The following RCC2 variants were observed in gnomAD, a reference collection of about 807,000 sequenced individuals.
RCC2 encodes the protein protein RCC2.
Under a neutral mutation model 64.1 loss-of-function variants are expected in RCC2, and 19 were observed. The observed-to-expected ratio is 0.30, with a 90% CI of 0.21 to 0.44. The LOEUF is 0.44. Among genes scored for constraint, RCC2 ranks in the 20% least tolerant of loss-of-function variants. The probability of loss-of-function intolerance (pLI) is 1.00; values close to 1 mark genes in which losing one functional copy is unlikely to be tolerated. For missense variants in RCC2, 508 were observed against 710.4 expected, an observed-to-expected ratio of 0.72 and a Z score of 3.24; for synonymous variants, 325 against 279.6, an observed-to-expected ratio of 1.16 and a Z score of -1.62.
Position 17,419,439 on chromosome 1 carries a change from C to T in RCC2, c.859+1275G>A, listed in dbSNP as rs535353913. Among the ~76,000 whole-genome samples the T allele has an allele frequency of 3.3e-5, 5 of 152,278 alleles. No homozygotes were observed. In the East Asian group the frequency reaches 5.8e-4, roughly 18 times the overall value. On this transcript the variant is annotated intron_variant, in intron 7 of 12. Coordinates refer to ENST00000375436, the MANE Select transcript of RCC2 (RefSeq NM_018715.4). The stretch of plus-strand genomic sequence containing the variant: ...GGCATGAGTGTGTGTGGATGAGACA[C>T]GGCCATAGTCGGATTTAGGTTCATT...
intron 6 of RCC2, among the ~76,000 whole-genome samples, chr1:17,421,966 A>C (rs1486547001): frequency 6.6e-6 from 1 of 152,184 alleles, no homozygotes; most frequent in East Asian, 1.9e-4. Flanking sequence ...CGGAGGTTGC[A>C]GTGAGCCGAG....
chr1:17,412,183 A>C lies in RCC2; in HGVS notation c.1325T>G (p.Ile442Ser), dbSNP rs2075434362. ...GGTGCTCTCATCGGCGGCCACAATG[A>C]TGCTGCTCTTCCTGCAAACAGGCAG... ...IRSLACGKSS[I>S]IVAADESTIS... is the part of the protein sequence containing the mutation. The change falls in exon 11 of 13, where the codon ATC becomes AGC. Residue 442 changes from isoleucine to serine, a missense_variant. By Grantham distance (142) the Ile-to-Ser change is moderately radical (BLOSUM62 -2). This residue lies in a region of RCC2 where 179 missense variants were observed against 322.0 expected (regional missense o/e 0.56). Transcript: ENST00000375436. 1.2e-6 allele frequency: 2 copies of C among 1,614,072 alleles called. No individual in the cohort carries two copies. The highest frequency in any genetic ancestry group is 8.5e-7 in the Non-Finnish European group (1 of 1,180,008).
At chr1:17,419,516 G>A (rs114035182) in intron 7 of RCC2, among the ~76,000 whole-genome samples, 117 of 152,348 alleles carry the variant, frequency 7.7e-4, no homozygotes, top group African/African-American at 2.6e-3. Flanking sequence ...CTGCCTTAAA[G>A]CAAGTAATAC....
intron 3 of RCC2, among the ~76,000 whole-genome samples, chr1:17,427,718 C>T (rs2075632391): frequency 6.6e-6 from 1 of 152,102 alleles, no homozygotes; most frequent in African/African-American, 2.4e-5. Flanking sequence ...CCTGGACTTA[C>T]CAAAGCATCT....
intron 8 of RCC2, among the ~76,000 whole-genome samples, chr1:17,415,031 T>A (rs887317941): frequency 2.6e-5 from 4 of 152,218 alleles, no homozygotes; most frequent in African/African-American, 9.7e-5. Context: ...TCTTCTTCAG[T>A]CTCGTTTTCC....
intron 7 of RCC2, among the ~76,000 whole-genome samples, chr1:17,419,751 G>A (rs1199333476): frequency 6.6e-6 from 1 of 152,216 alleles, no homozygotes; most frequent in African/African-American, 2.4e-5. Flanking sequence ...AAGGCAGCAG[G>A]AGCGCGCACG....
In RCC2 at chr1:17,416,581, G is replaced by C. The variant is rs973659696; in HGVS notation, c.925C>G (p.Pro309Ala). The change falls in exon 8 of 13, where the codon CCC (proline) becomes GCC (alanine). Residue 309 changes from proline (P) to alanine (A), a missense_variant. Around this residue, in one of 4 missense-constraint regions of RCC2, gnomAD observed 179 missense variants for 322.0 expected, o/e 0.56. Coordinates refer to ENST00000375436, the MANE Select transcript of RCC2 (RefSeq NM_018715.4). Reference protein sequence around the residue: ...QRIEYDCELVPRRVAIFIEKT... With the variant: ...QRIEYDCELVARRVAIFIEKT... ...TCAATGAAGATGGCCACTCGCCGGG[G>C]AACTAGTTCACAGTCGTACTCTATC... 3.1e-6 allele frequency: 5 copies of C among 1,614,042 alleles called. No individual in the cohort carries two copies. Among genetic ancestry groups the C allele is most frequent in the Admixed American group, 3.3e-5 (2 of 60,020 alleles).
At chr1:17,416,019 A>C (rs1485491833) in intron 8 of RCC2, among the ~76,000 whole-genome samples, 1 of 137,340 alleles carries the variant, frequency 7.3e-6, no homozygotes, top group Non-Finnish European at 1.5e-5. Flanking sequence ...TGGTGAGCCG[A>C]GATCACGCCA....
intron 4 of RCC2, among the ~76,000 whole-genome samples, 156 bp downstream of exon 4, chr1:17,425,385 G>A (rs181486600): frequency 1.1e-4 from 16 of 152,268 alleles, no homozygotes; most frequent in Admixed American, 9.2e-4. Context: ...GTAGACAAGA[G>A]ACGAGCTGGG....
intron 6 of RCC2, 91 bp downstream of exon 6, chr1:17,422,112 A>G: frequency 3.4e-6 from 3 of 878,930 alleles, no homozygotes; most frequent in Non-Finnish European, 5.3e-6. Context: ...CAAGGGGTAA[A>G]TTAACTCAAA....
At chr1:17,422,662 C>A in intron 5 of RCC2, 43 bp downstream of exon 5, 1 of 1,608,532 alleles carries the variant, frequency 6.2e-7, no homozygotes. Context: ...ACCACCTGGC[C>A]TCTTGCCAAA....
At chr1:17,422,952 C>T (rs2075571355) in intron 4 of RCC2, 116 bp from the exon 5 acceptor site, 1 of 1,238,180 alleles carries the variant, frequency 8.1e-7, no homozygotes, top group Non-Finnish European at 1.1e-6. Flanking sequence ...TGGAAGGTAC[C>T]CTCCAAATTC....
chr1:17,432,934 G>A (rs2100393354), intron 2 of RCC2, among the ~76,000 whole-genome samples: 1 of 151,904 alleles, frequency 6.6e-6, no homozygotes. Flanking sequence ...CTCCAGACTG[G>A]GCGAAAGAGC....
intron 2 of RCC2, among the ~76,000 whole-genome samples, chr1:17,436,124 C>G (rs1179718169): frequency 6.6e-6 from 1 of 152,120 alleles, no homozygotes; most frequent in Admixed American, 6.5e-5. Flanking sequence ...CCTGCTTATA[C>G]ACATATGTAA....
chr1:17,428,727 A>C (rs1475407915), intron 3 of RCC2, among the ~76,000 whole-genome samples: 2 of 152,228 alleles, frequency 1.3e-5, no homozygotes, highest in Non-Finnish European at 2.9e-5. Context: ...GCAATGCCTG[A>C]AATTTTGACA....
intron 11 of RCC2, among the ~76,000 whole-genome samples, chr1:17,411,337 G>A (rs1254110425): frequency 1.3e-5 from 2 of 152,186 alleles, no homozygotes; most frequent in East Asian, 1.9e-4. Flanking sequence ...AGCACTTTGG[G>A]AGGTTGAGGC....
chr1:17,409,282 C>T (rs778224686), intron 12 of RCC2, 88 bp from the exon 13 acceptor site: 14 of 873,734 alleles, frequency 1.6e-5, no homozygotes, highest in East Asian at 4.8e-5. Flanking sequence ...GCTGCTAAAG[C>T]GGGTCAGCAT....
chr1:17,416,995 T>C (rs1247503095), intron 7 of RCC2, among the ~76,000 whole-genome samples: 3 of 152,170 alleles, frequency 2.0e-5, no homozygotes, highest in Non-Finnish European at 2.9e-5. Context: ...TTTCTTACAA[T>C]GGGTTGCAGT....
At chr1:17,420,974 T>A in intron 6 of RCC2, 146 bp from the exon 7 acceptor site, 1 of 618,700 alleles carries the variant, frequency 1.6e-6, no homozygotes, top group Non-Finnish European at 2.9e-6. Context: ...GCTGAAGGCA[T>A]TTCTAGAACA....
Sources: allele counts gnomAD v4.1 joint callset (sites outside exome capture counted in the v4.1 genomes callset), GRCh38; gene constraint gnomAD v4.1.1; regional missense constraint gnomAD v4.1.1; transcripts MANE v1.5; gene names NCBI Gene and HGNC (gene_info 2026-07-23, HGNC 2026-07-21).